SMYD3: variants seen among roughly 807,000 people sequenced by gnomAD.
SMYD3 encodes SET and MYND domain containing 3.
In SMYD3, 36 loss-of-function variants were observed where a neutral mutation model predicts 57.7. The observed-to-expected ratio is 0.62, with a 90% CI of 0.48 to 0.82. SMYD3 has a LOEUF of 0.82. Among genes scored for constraint, SMYD3 ranks in the 40% least tolerant of loss-of-function variants. SMYD3 has a pLI of 0.00. For synonymous variants in SMYD3, 211 were observed against 195.0 expected (o/e 1.08, Z -0.68); for missense variants, 515 against 538.8 (o/e 0.96, Z 0.44).
chr1:245,784,665 A>C (rs755225971), intron 10 of SMYD3, among the ~76,000 whole-genome samples: 1 of 152,028 alleles, frequency 6.6e-6, no homozygotes, highest in Non-Finnish European at 1.5e-5. Context: ...TCTAAGAGGG[A>C]ATGTCACAAG....
intron 6 of SMYD3, among the ~76,000 whole-genome samples, 183 bp downstream of exon 6, chr1:245,929,687 G>A (rs1412762739): frequency 6.6e-6 from 1 of 152,164 alleles, no homozygotes; most frequent in Non-Finnish European, 1.5e-5. Context: ...CATATAATGT[G>A]GGGTTATAAA....
At chr1:246,324,851 G>C (rs1254975857) in intron 5 of SMYD3, among the ~76,000 whole-genome samples, 2 of 151,144 alleles carry the variant, frequency 1.3e-5, no homozygotes, top group African/African-American at 4.9e-5. Context: ...TCTTCACCCA[G>C]TTCCCGTGTG....
chr1:246,254,298 T>G (rs1017804423), intron 5 of SMYD3, among the ~76,000 whole-genome samples: 2 of 152,206 alleles, frequency 1.3e-5, no homozygotes, highest in Non-Finnish European at 2.9e-5. Flanking sequence ...TTCCCCATCT[T>G]GAGTTAATTT....
intron 5 of SMYD3, among the ~76,000 whole-genome samples, chr1:245,933,854 C>T (rs956706): frequency 0.69 from 105,531 of 151,996 alleles, 39,133 homozygotes; most frequent in Non-Finnish European, 0.84. Flanking sequence ...TATCTTGCAA[C>T]GGTAAAAATC....
chr1:246,110,370 C>T (rs532397989), intron 5 of SMYD3, among the ~76,000 whole-genome samples: 2 of 152,254 alleles, frequency 1.3e-5, no homozygotes, highest in South Asian at 2.1e-4. Flanking sequence ...ATGCTGAGGC[C>T]GGAAGGGAGT....
chr1:246,327,932 G>A (rs540295132), intron 4 of SMYD3, among the ~76,000 whole-genome samples: 5 of 152,270 alleles, frequency 3.3e-5, no homozygotes, highest in South Asian at 2.1e-4. Flanking sequence ...CGTGACTCAC[G>A]CCTGTAACCC....
At chr1:246,094,448 G>A (rs1215587287) in intron 5 of SMYD3, among the ~76,000 whole-genome samples, 3 of 152,134 alleles carry the variant, frequency 2.0e-5, no homozygotes, top group African/African-American at 7.2e-5. Context: ...TTGCACTTCC[G>A]CCTGCTGTGA....
At chr1:246,024,376 G>A (rs1274332180) in intron 5 of SMYD3, among the ~76,000 whole-genome samples, 69 of 117,902 alleles carry the variant, frequency 5.9e-4, no homozygotes, top group East Asian at 1.0e-3. Context: ...ATCTAGGAAG[G>A]GAGATACAGG....
intron 5 of SMYD3, among the ~76,000 whole-genome samples, chr1:246,020,868 A>T (rs1474785861): frequency 6.6e-6 from 1 of 152,102 alleles, no homozygotes; most frequent in Non-Finnish European, 1.5e-5. Context: ...TCAACTTTTA[A>T]CGTGACTGAA....
chr1:246,021,153 T>A (rs1037330949), intron 5 of SMYD3, among the ~76,000 whole-genome samples: 6 of 152,138 alleles, frequency 3.9e-5, no homozygotes, highest in Admixed American at 3.9e-4. Flanking sequence ...ATGAAGTGTA[T>A]CTCTCAGTCT....
At chr1:246,266,033 A>G (rs1052442625) in intron 5 of SMYD3, among the ~76,000 whole-genome samples, 2 of 152,164 alleles carry the variant, frequency 1.3e-5, no homozygotes, top group African/African-American at 4.8e-5. Context: ...TAGAATTTTG[A>G]GCTCGCAATC....
At chr1:245,758,700 T>C (rs980317148) in intron 11 of SMYD3, among the ~76,000 whole-genome samples, 7 of 152,322 alleles carry the variant, frequency 4.6e-5, no homozygotes, top group Admixed American at 2.0e-4. Context: ...AGATTTTCTA[T>C]TTTTTCCATT....
intron 10 of SMYD3, among the ~76,000 whole-genome samples, chr1:245,816,242 G>A (rs954627609): frequency 1.3e-5 from 2 of 152,074 alleles, no homozygotes; most frequent in Non-Finnish European, 2.9e-5. Flanking sequence ...AGAAAATCAA[G>A]TCCATTTCAG....
At chr1:246,271,978 T>A (rs1407144912) in intron 5 of SMYD3, among the ~76,000 whole-genome samples, 2 of 152,206 alleles carry the variant, frequency 1.3e-5, no homozygotes, top group Non-Finnish European at 2.9e-5. Context: ...CTTTCAGCAA[T>A]GTTTTTCTGC....
At chr1:245,887,560 C>T in intron 8 of SMYD3, among the ~76,000 whole-genome samples, 1 of 152,190 alleles carries the variant, frequency 6.6e-6, no homozygotes, top group Non-Finnish European at 1.5e-5. Flanking sequence ...GTAACATCCC[C>T]AGACTGAATC....
intron 1 of SMYD3, among the ~76,000 whole-genome samples, chr1:246,479,974 T>C (rs2068081371): frequency 6.6e-6 from 1 of 152,208 alleles, no homozygotes; most frequent in Admixed American, 6.5e-5. Context: ...GAAAAAATTG[T>C]TTAGCATCAG....
chr1:246,400,662 C>T (rs920923149), intron 1 of SMYD3, among the ~76,000 whole-genome samples: 1 of 152,158 alleles, frequency 6.6e-6, no homozygotes, highest in African/African-American at 2.4e-5. Flanking sequence ...AGTTTCCTGG[C>T]CATTTCCAAT....
intron 5 of SMYD3, among the ~76,000 whole-genome samples, chr1:246,043,667 T>C (rs7536171): frequency 0.46 from 70,556 of 151,990 alleles, 17,815 homozygotes; most frequent in East Asian, 0.8. Context: ...AAATGCTGTT[T>C]ACCTTTAAAA....
At chr1:246,073,800 G>C (rs1421533613) in intron 5 of SMYD3, among the ~76,000 whole-genome samples, 1 of 152,136 alleles carries the variant, frequency 6.6e-6, no homozygotes, top group East Asian at 1.9e-4. Flanking sequence ...ATTCAAGATA[G>C]TGTCTCTCAA....
Sources: allele counts gnomAD v4.1 joint callset (sites outside exome capture counted in the v4.1 genomes callset), GRCh38; gene constraint gnomAD v4.1.1; transcripts MANE v1.5; gene names NCBI Gene and HGNC (gene_info 2026-07-23, HGNC 2026-07-21).